The following TMEM117 variants were observed in gnomAD, a reference collection of about 807,000 sequenced individuals.
TMEM117 encodes the protein transmembrane protein 117.
TMEM117 carries 27 observed loss-of-function variants against 52.4 expected under a neutral mutation model. That is an observed-to-expected ratio of 0.51 (90% confidence interval 0.38 to 0.71). The LOEUF (loss-of-function observed/expected upper bound fraction) is 0.71. TMEM117 is among the 30% of genes least tolerant of loss of function. The pLI, the probability that TMEM117 is intolerant of heterozygous loss-of-function variation, is 0.00. For synonymous variants in TMEM117, 215 were observed against 206.3 expected (o/e 1.04, Z -0.36); for missense variants, 556 against 630.5 (o/e 0.88, Z 1.26).
chr12:43,900,901 T>G (rs1592346173), intron 2 of TMEM117, among the ~76,000 whole-genome samples: 1 of 152,178 alleles, frequency 6.6e-6, no homozygotes, highest in African/African-American at 2.4e-5. Flanking sequence ...TAAAATCACC[T>G]ACTATTCGAA....
At chr12:43,995,373 T>A (rs531436975) in intron 3 of TMEM117, among the ~76,000 whole-genome samples, 2 of 152,312 alleles carry the variant, frequency 1.3e-5, no homozygotes, top group South Asian at 4.1e-4. Flanking sequence ...AGATACCTTT[T>A]GTAAAACCTG....
the TMEM117 span, among the ~76,000 whole-genome samples, chr12:43,805,220 T>C: frequency 3.3e-5 from 5 of 152,232 alleles, no homozygotes; most frequent in Non-Finnish European, 5.9e-5. Flanking sequence ...AGAACCACTA[T>C]GTAAGTAGGT....
intron 3 of TMEM117, among the ~76,000 whole-genome samples, chr12:44,099,957 C>T (rs1454557869): frequency 6.6e-6 from 1 of 151,306 alleles, no homozygotes; most frequent in Non-Finnish European, 1.5e-5. Flanking sequence ...ATGCTAGTTA[C>T]AGATTGCAGA....
intron 6 of TMEM117, among the ~76,000 whole-genome samples, chr12:44,323,537 T>A (rs1951159826): frequency 6.6e-6 from 1 of 152,004 alleles, no homozygotes; most frequent in African/African-American, 2.4e-5. Flanking sequence ...GGTTTTAGGG[T>A]TTTTTCTTAC....
intron 2 of TMEM117, among the ~76,000 whole-genome samples, chr12:43,865,489 G>T (rs1943575796): frequency 6.6e-6 from 1 of 152,030 alleles, no homozygotes; most frequent in Non-Finnish European, 1.5e-5. Flanking sequence ...TTGAGGTCAG[G>T]AGTTTGAGAC....
the TMEM117 span, among the ~76,000 whole-genome samples, chr12:43,816,946 G>A: frequency 2.0e-5 from 3 of 152,176 alleles, no homozygotes; most frequent in Non-Finnish European, 4.4e-5. Context: ...AAGTTATTGG[G>A]AAACTGGGAA....
chr12:44,344,931 C>T (rs1951465110), intron 6 of TMEM117, among the ~76,000 whole-genome samples: 1 of 152,046 alleles, frequency 6.6e-6, no homozygotes, highest in African/African-American at 2.4e-5. Flanking sequence ...TGCATTGCTT[C>T]TCCTGCCCTT....
At chr12:44,398,109 G>T in the TMEM117 span, among the ~76,000 whole-genome samples, 6,049 of 147,870 alleles carry the variant, frequency 0.041, 182 homozygotes, top group Non-Finnish European at 0.067. Context: ...TTTTGTTTTG[G>T]TTTTTTTTTT....
At chr12:44,225,475 T>A (rs561102292) in intron 5 of TMEM117, among the ~76,000 whole-genome samples, 1 of 152,330 alleles carries the variant, frequency 6.6e-6, no homozygotes, top group Non-Finnish European at 1.5e-5. Flanking sequence ...AGTATGTTTT[T>A]TTCTCTATGA....
intron 2 of TMEM117, among the ~76,000 whole-genome samples, chr12:43,871,341 T>A (rs1943701726): frequency 6.6e-6 from 1 of 152,094 alleles, no homozygotes; most frequent in Non-Finnish European, 1.5e-5. Context: ...TGACCTCAGG[T>A]GATCCGCCTG....
intron 7 of TMEM117, among the ~76,000 whole-genome samples, chr12:44,379,250 G>C (rs1318340972): frequency 6.6e-6 from 1 of 152,070 alleles, no homozygotes; most frequent in Non-Finnish European, 1.5e-5. Context: ...TAGCCACTTG[G>C]GAGGCTGAGG....
chr12:44,101,694 C>T (rs943788668), intron 3 of TMEM117, among the ~76,000 whole-genome samples: 1 of 152,092 alleles, frequency 6.6e-6, no homozygotes, highest in East Asian at 1.9e-4. Flanking sequence ...CATGCAAACC[C>T]CCTCAGAGAC....
intron 5 of TMEM117, among the ~76,000 whole-genome samples, chr12:44,250,227 C>A (rs1433460783): frequency 3.3e-5 from 5 of 151,110 alleles, no homozygotes; most frequent in African/African-American, 9.8e-5. Flanking sequence ...GGCCAACAAA[C>A]ATATGAAAAA....
intron 3 of TMEM117, among the ~76,000 whole-genome samples, chr12:44,122,959 G>C (rs548915162): frequency 2.0e-5 from 3 of 152,258 alleles, no homozygotes; most frequent in Admixed American, 2.0e-4. Context: ...TGCTATTTCT[G>C]CCTCTAGGTC....
intron 3 of TMEM117, among the ~76,000 whole-genome samples, chr12:44,068,633 G>T (rs1947256876): frequency 6.6e-6 from 1 of 152,134 alleles, no homozygotes; most frequent in Admixed American, 6.6e-5. Context: ...AATAGGTGTG[G>T]TTTGTGGTGC....
intron 6 of TMEM117, among the ~76,000 whole-genome samples, chr12:44,306,043 T>C (rs916530346): frequency 3.3e-5 from 5 of 152,172 alleles, no homozygotes; most frequent in Admixed American, 2.6e-4. Flanking sequence ...AAATACCACA[T>C]GTTCTCATTT....
At chr12:43,941,337 C>T (rs958481364) in intron 2 of TMEM117, among the ~76,000 whole-genome samples, 1 of 152,138 alleles carries the variant, frequency 6.6e-6, no homozygotes, top group Non-Finnish European at 1.5e-5. Flanking sequence ...ACCTATAGAC[C>T]TGTAGGAAAA....
intron 3 of TMEM117, chr12:44,009,226 C>A: frequency 3.7e-6 from 1 of 273,676 alleles, no homozygotes; most frequent in Non-Finnish European, 7.1e-6. Context: ...CAATTTCATT[C>A]TGGTCTGTTT....
chr12:44,317,871 C>A (rs1951078336), intron 6 of TMEM117, among the ~76,000 whole-genome samples: 1 of 152,188 alleles, frequency 6.6e-6, no homozygotes, highest in South Asian at 2.1e-4. Flanking sequence ...CTACTCACCA[C>A]CACATGAGGG....
Sources: gnomAD v4.1 joint callset for allele counts (sites outside exome capture counted in the v4.1 genomes callset) on GRCh38, gnomAD v4.1.1 for gene constraint, MANE v1.5 for transcripts, NCBI Gene and HGNC (gene_info 2026-07-23, HGNC 2026-07-21) for gene names.